Variants in PRH1 observed in about 807,000 individuals in gnomAD.
PRH1 encodes salivary acidic proline-rich phosphoprotein 1/2.
Under a neutral mutation model 7.9 loss-of-function variants are expected in PRH1, and 7 were observed. The ratio of observed to expected loss-of-function variants is 0.89; its 90% CI spans 0.50 to 1.67. PRH1 has a LOEUF of 1.67. PRH1 is among the 40% of genes most tolerant of loss of function. PRH1 has a pLI of 0.00. For missense variants in PRH1, 109 were observed against 223.6 expected, an observed-to-expected ratio of 0.49 and a Z score of 3.27; for synonymous variants, 45 against 80.8, an observed-to-expected ratio of 0.56 and a Z score of 2.38.
At chr12:11,147,706 G>C (rs1376802628) in intron 1 of PRH1, among the ~76,000 whole-genome samples, 1 of 152,086 alleles carries the variant, frequency 6.6e-6, no homozygotes, top group Non-Finnish European at 1.5e-5. Context: ...TATATTGCTT[G>C]TCCTATTACA....
At chr12:10,943,802 C>T (rs749809414) in intron 2 of PRH1, among the ~76,000 whole-genome samples, 6 of 152,128 alleles carry the variant, frequency 3.9e-5, no homozygotes, top group Admixed American at 6.6e-5. Flanking sequence ...AGCCAGTTAT[C>T]CCAGTGCTAT....
chr12:11,046,757 A>C (rs1942914525), intron 1 of PRH1, among the ~76,000 whole-genome samples: 1 of 152,054 alleles, frequency 6.6e-6, no homozygotes, highest in Non-Finnish European at 1.5e-5. Context: ...TAAGAAAAAA[A>C]TGTTGTATGT....
At chr12:10,889,973 G>A (rs576208301) in intron 2 of PRH1, among the ~76,000 whole-genome samples, 57 of 152,140 alleles carry the variant, frequency 3.7e-4, no homozygotes, top group Non-Finnish European at 5.7e-4. Flanking sequence ...AAAGTCTTTG[G>A]TCATTTTAAT....
At chr12:10,985,327 G>T (rs899532899) in intron 1 of PRH1, among the ~76,000 whole-genome samples, 1 of 151,974 alleles carries the variant, frequency 6.6e-6, no homozygotes, top group Non-Finnish European at 1.5e-5. Flanking sequence ...AAATATATTT[G>T]TCATCCTTGA....
intron 1 of PRH1, among the ~76,000 whole-genome samples, chr12:11,098,996 C>T (rs1945147790): frequency 6.6e-6 from 1 of 152,044 alleles, no homozygotes; most frequent in Non-Finnish European, 1.5e-5. Flanking sequence ...ATCTCTAATT[C>T]TTAGGCCTTT....
intron 1 of PRH1, among the ~76,000 whole-genome samples, chr12:11,011,347 T>C (rs7301147): frequency 0.3 from 46,322 of 151,980 alleles, 8,936 homozygotes; most frequent in East Asian, 0.74. Context: ...ATGGATGAGT[T>C]TGAGGCTGTC....
chr12:10,907,771 C>T (rs1949826852), intron 2 of PRH1, among the ~76,000 whole-genome samples: 1 of 151,868 alleles, frequency 6.6e-6, no homozygotes, highest in Non-Finnish European at 1.5e-5. Context: ...AATTATACCT[C>T]AATAATATTT....
chr12:11,159,128 G>A (rs1424780883), intron 1 of PRH1: 1 of 152,024 alleles, frequency 6.6e-6, no homozygotes, highest in Non-Finnish European at 1.5e-5. Flanking sequence ...GAGCAAAGAG[G>A]TCAGAGTCAG....
intron 2 of PRH1, among the ~76,000 whole-genome samples, chr12:10,972,414 G>A (rs950527460): frequency 6.6e-6 from 1 of 152,156 alleles, no homozygotes; most frequent in African/African-American, 2.4e-5. Flanking sequence ...TTATAGATGA[G>A]TTCAATGCTG....
chr12:11,023,886 C>T (rs1941781958), intron 1 of PRH1, among the ~76,000 whole-genome samples: 2 of 152,066 alleles, frequency 1.3e-5, no homozygotes, highest in Admixed American at 1.3e-4. Flanking sequence ...TCAGTTTTCT[C>T]TTGCAGAAAA....
intron 1 of PRH1, among the ~76,000 whole-genome samples, chr12:11,102,071 G>A (rs1945271718): frequency 6.6e-6 from 1 of 152,212 alleles, no homozygotes; most frequent in Non-Finnish European, 1.5e-5. Flanking sequence ...AACATTCCAT[G>A]CTCATGGATA....
chr12:11,069,955 T>C (rs1943991357), intron 1 of PRH1, among the ~76,000 whole-genome samples: 4 of 151,542 alleles, frequency 2.6e-5, no homozygotes, highest in South Asian at 2.1e-4. Flanking sequence ...ATTTCCTAGA[T>C]AAACAGTACC....
At chr12:11,077,297 T>C (rs772189295) in intron 1 of PRH1, 1 of 268,668 alleles carries the variant, frequency 3.7e-6, no homozygotes, top group Non-Finnish European at 7.6e-6. Flanking sequence ...AGACACACGA[T>C]GCACCCCTTG....
chr12:11,031,528 A>G, intron 1 of PRH1: 1 of 649,574 alleles, frequency 1.5e-6, no homozygotes, highest in Middle Eastern at 4.4e-4. Flanking sequence ...GAGAAAGGAC[A>G]AAGCTTCCAC....
chr12:10,942,640 G>T (rs565717703), intron 2 of PRH1, among the ~76,000 whole-genome samples: 2 of 152,286 alleles, frequency 1.3e-5, no homozygotes, highest in South Asian at 2.1e-4. Context: ...CCACCTCCTA[G>T]CTGTGAAAGA....
At chr12:11,063,340 A>C (rs1048463490) in intron 1 of PRH1, among the ~76,000 whole-genome samples, 3 of 152,110 alleles carry the variant, frequency 2.0e-5, no homozygotes, top group African/African-American at 7.2e-5. Context: ...TAGAGATTTC[A>C]GATGGCTTCC....
chr12:10,913,224 C>T (rs1013893666), intron 2 of PRH1, among the ~76,000 whole-genome samples: 2 of 152,114 alleles, frequency 1.3e-5, no homozygotes, highest in African/African-American at 4.8e-5. Context: ...GAGGCCGAGG[C>T]GGGTGGATCA....
At chr12:11,008,043 G>A (rs1221116198) in intron 1 of PRH1, among the ~76,000 whole-genome samples, 2 of 152,018 alleles carry the variant, frequency 1.3e-5, no homozygotes, top group Admixed American at 6.6e-5. Flanking sequence ...GAATCCTGAA[G>A]CCAAGGGAAA....
chr12:11,096,072 G>A lies in PRH1; in HGVS notation n.124-48884C>T, dbSNP rs545463961. ...TTATGTTAATTTGGTTTTAGTTATC[G>A]TGTCTGAAGTCTGATAGTTTCTAAA... On this transcript the variant is annotated intron_variant and non_coding_transcript_variant, in intron 1 of 4. Coordinates refer to the PRH1 transcript ENST00000541977. 1.9e-4 allele frequency among the ~76,000 whole-genome samples: 22 copies of A among 113,314 alleles called. 2 individuals are homozygous for A. The South Asian group carries it at 4.8e-3, about 25-fold the overall frequency. 74.3% of individuals were successfully genotyped at this position (113,314 alleles called of 152,430 possible).
Sources: gnomAD v4.1 joint callset for allele counts (sites outside exome capture counted in the v4.1 genomes callset) on GRCh38, gnomAD v4.1.1 for gene constraint, MANE v1.5 for transcripts, NCBI Gene and HGNC (gene_info 2026-07-23, HGNC 2026-07-21) for gene names.